The following MRC2 variants were observed in gnomAD, a reference collection of about 807,000 sequenced individuals.
The protein encoded by MRC2 is mannose receptor C-type 2, also known as C-type mannose receptor 2.
In MRC2, 84 loss-of-function variants were observed where a neutral mutation model predicts 206.2. The ratio of observed to expected loss-of-function variants is 0.41; its 90% CI spans 0.34 to 0.49. The LOEUF (loss-of-function observed/expected upper bound fraction) is 0.49, where lower values mean the gene tolerates loss of function less well. Ranked by LOEUF, MRC2 falls within the 20% of genes least tolerant of loss-of-function variation. MRC2 has a pLI of 0.31. For synonymous variants in MRC2, 798 were observed against 800.0 expected (o/e 1.00, Z 0.04); for missense variants, 1,676 against 2,001.5 (o/e 0.84, Z 3.10).
Position 62,675,749 on chromosome 17 carries a change from C to A in MRC2, c.1570-41C>A. ...TTTATGGGTGAGGGTGGAGAGTCAT[C>A]TTCCCTACAGACACCCCTCTTCTGT... On this transcript the variant is annotated intron_variant, in intron 9 of 29. Coordinates refer to ENST00000303375, the MANE Select transcript of MRC2 (RefSeq NM_006039.5). This position sits in a 1 kb window ranked among gnomAD's most constrained non-coding sequence, Gnocchi z 4.1. 3 of 1,503,380 alleles carry A rather than the reference C, an allele frequency of 2.0e-6. No homozygotes were observed. Among genetic ancestry groups the A allele is most frequent in the Non-Finnish European group, 2.8e-6 (3 of 1,080,072 alleles). 93.1% of individuals were successfully genotyped at this position (1,503,380 alleles called of 1,614,324 possible). A position where few individuals can be genotyped will look rare whatever the true frequency, so the allele number is the denominator to read the frequency against.
rs188585847 is a variant in MRC2 at position 62,673,217 on chromosome 17, T to G, written c.1462-846T>G. The stretch of plus-strand genomic sequence containing the variant: ...GGGTGCTAGGATACACAAACACGCC[T>G]GCCCTCAGAATGGAGCTTAGAGACA... On this transcript the variant is annotated intron_variant, in intron 8 of 29. Transcript: ENST00000303375. Among the ~76,000 whole-genome samples the G allele has an allele frequency of 1.9e-4, 29 of 152,308 alleles. No individual in the cohort carries two copies. In the East Asian group the frequency reaches 5.4e-3, roughly 28 times the overall value.
chr17:62,673,776 C>T (rs1307316459), intron 8 of MRC2, among the ~76,000 whole-genome samples: 1 of 152,194 alleles, frequency 6.6e-6, no homozygotes, highest in Non-Finnish European at 1.5e-5. Context: ...TCCCAAAATG[C>T]TGGGATTACA....
rs184448462 is a variant in MRC2 at position 62,666,996 on chromosome 17, C to T, written c.973+126C>T. Reference sequence around the variant, plus strand: ...TGGGTAGGGGAAGCACCGACCTCCACCCCCCTCCCCAGACTGCGCCCCCCT... The same window carrying T: ...TGGGTAGGGGAAGCACCGACCTCCATCCCCCTCCCCAGACTGCGCCCCCCT... On this transcript the variant is annotated intron_variant, in intron 5 of 29. Transcript: ENST00000303375. This position sits in a 1 kb window ranked among gnomAD's most constrained non-coding sequence, Gnocchi z 5.0. 2.3e-5 allele frequency: 17 copies of T among 750,940 alleles called. No individual in the cohort carries two copies. The highest frequency in any genetic ancestry group is 5.2e-5 in the African/African-American group (3 of 57,506). 46.5% of individuals were successfully genotyped at this position (750,940 alleles called of 1,614,324 possible).
In MRC2 at chr17:62,688,353, G is replaced by A; in HGVS notation, c.3011G>A (p.Cys1004Tyr). 6.2e-7 allele frequency: 1 copy of A among 1,614,208 alleles called. No homozygotes were observed. The highest frequency in any genetic ancestry group is 8.5e-7 in the Non-Finnish European group (1 of 1,180,042). ...AAGTGGTCAGAGGCACAGTTCTCCT[G>A]TGAACAGCAAGAGGCCCAGCTGGTC... is the stretch of plus-strand genomic sequence containing the variant. The part of the protein sequence containing the change: ...RVKWSEAQFS[C>Y]EQQEAQLVTI... Residue 1004 changes from cysteine (C) to tyrosine (Y), a missense_variant, in exon 21 of 30, where the codon TGT becomes TAT. Physicochemically the swap from Cys to Tyr is radical, Grantham distance 194 (BLOSUM62 -2). Transcript: ENST00000303375.
chr17:62,653,373 GC>G (rs2088580872), intron 1 of MRC2, among the ~76,000 whole-genome samples: 1 of 151,884 alleles, frequency 6.6e-6, no homozygotes, highest in South Asian at 2.1e-4. Flanking sequence ...CCCCACCCCC[GC>G]CCCCACCCCC....
chr17:62,692,127 T>C lies in MRC2; in HGVS notation c.4208T>C (p.Phe1403Ser), dbSNP rs769741411. ...TTGCCCACAGCTGAGCAGAGCAGCT[T>C]CTCCCCATCAGGTGAGTGAAAGGCA... The part of the protein sequence containing the change: ...CKLPRAEQSS[F>S]SPSALPENPA... The change falls in exon 29 of 30, where the codon TTC becomes TCC. Residue 1403 changes from phenylalanine (F) to serine (S), a missense_variant. Transcript: ENST00000303375. The surrounding 1 kb of genome is among the most constrained non-coding windows in gnomAD (Gnocchi z 4.2). The C allele has an allele frequency of 6.2e-7, 1 of 1,614,218 alleles. No individual in the cohort carries two copies. Among genetic ancestry groups the C allele is most frequent in the South Asian group, 1.1e-5 (1 of 91,082 alleles).
intron 14 of MRC2, 77 bp downstream of exon 14, chr17:62,679,979 G>C: frequency 6.8e-7 from 1 of 1,467,816 alleles, no homozygotes; most frequent in Non-Finnish European, 9.2e-7. Context: ...GGGGCCTGGA[G>C]GTGGGCGGGT....
chr17:62,680,900 C>A lies in MRC2; in HGVS notation c.2574C>A (p.Ala858=). The A allele has an allele frequency of 6.2e-7, 1 of 1,613,216 alleles. No homozygotes were observed. The highest frequency in any genetic ancestry group is 1.1e-5 in the South Asian group (1 of 91,072). The stretch of plus-strand genomic sequence containing the variant: ...AGCGCATCTGCACGTGGTTCCAGGC[C>A]GAGCTGACCTCGGTGCACAGCCAGG... The part of the protein sequence containing the change: ...QAQRICTWFQ[A]ELTSVHSQAE... Residue 858 remains alanine (A), a synonymous_variant, in exon 17 of 30, where the codon GCC becomes GCA. Transcript: ENST00000303375. This position sits in a 1 kb window ranked among gnomAD's most constrained non-coding sequence, Gnocchi z 4.8.
Position 62,666,877 on chromosome 17 carries a change from C to A in MRC2, c.973+7C>A. The A allele has an allele frequency of 6.2e-7, 1 of 1,612,258 alleles. No individual in the cohort carries two copies. The highest frequency in any genetic ancestry group is 1.1e-5 in the South Asian group (1 of 91,004). The stretch of plus-strand genomic sequence containing the variant: ...TACCTCAACTGGGAGAGTGGTGAGG[C>A]ACAAGGTTGGGGGCGCAGGGCAGCA... On this transcript the variant is annotated splice_region_variant and intron_variant, in intron 5 of 29. Coordinates refer to ENST00000303375, the MANE Select transcript of MRC2 (RefSeq NM_006039.5). The surrounding 1 kb of genome is among the most constrained non-coding windows in gnomAD (Gnocchi z 5.0).
At chr17:62,661,499 CTTCCTTTCTTTCT>C (rs1223520156) in intron 1 of MRC2, 4 of 147,388 alleles carry the variant, frequency 2.7e-5, no homozygotes, top group Non-Finnish European at 6.0e-5. Flanking sequence ...TCTTTCCTTC[CTTCCTTTCTTTCT>C]TTTCTTTCTT....
At chr17:62,629,252 G>A (rs1021785889) in intron 1 of MRC2, among the ~76,000 whole-genome samples, 3 of 152,204 alleles carry the variant, frequency 2.0e-5, no homozygotes, top group Non-Finnish European at 4.4e-5. Flanking sequence ...GTGGGAAGGG[G>A]TGGGGAGGAT....
chr17:62,669,438 A>T (rs573856490), intron 6 of MRC2, among the ~76,000 whole-genome samples: 1 of 150,772 alleles, frequency 6.6e-6, no homozygotes, highest in Admixed American at 6.6e-5. Context: ...CTGGTCTTGA[A>T]CTCCTGACCT....
At chr17:62,638,136 T>C (rs2088349581) in intron 1 of MRC2, among the ~76,000 whole-genome samples, 1 of 152,190 alleles carries the variant, frequency 6.6e-6, no homozygotes. Context: ...GTGTTGGGAT[T>C]ACAGGCGTGA....
intron 1 of MRC2, 92 bp downstream of exon 1, chr17:62,628,012 C>T: frequency 2.4e-6 from 2 of 827,882 alleles, no homozygotes; most frequent in South Asian, 2.5e-5. Context: ...CTTTTCCCCC[C>T]TCTTTTCTCC....
At chr17:62,654,345 G>A (rs1471176418) in intron 1 of MRC2, among the ~76,000 whole-genome samples, 1 of 151,964 alleles carries the variant, frequency 6.6e-6, no homozygotes, top group Non-Finnish European at 1.5e-5. Flanking sequence ...AGCTTGGACC[G>A]CCTTCCTTGT....
rs116402606 is a variant in MRC2 at position 62,664,893 on chromosome 17, G to C, written c.464G>C (p.Ser155Thr). Residue 155 changes from serine (S) to threonine (T), a missense_variant, in exon 2 of 30, where the codon AGT becomes ACT. Around this residue, in one of 3 missense-constraint regions of MRC2, gnomAD observed 318 missense variants for 346.7 expected, o/e 0.92. Transcript: ENST00000303375. The surrounding 1 kb of genome is among the most constrained non-coding windows in gnomAD (Gnocchi z 4.7). ...GTLERGDQTR[S>T]GQWRIYGSEE... ...CTTGAGCGTGGTGACCAGACCCGCA[G>C]TGGCCAGTGGCGCATCTACGGCAGC... 1.3e-3 allele frequency: 2,146 copies of C among 1,613,350 alleles called. 23 individuals carry two copies. In the African/African-American group the frequency reaches 0.024, roughly 18 times the overall value.
At chr17:62,678,418 C>A in intron 12 of MRC2, 86 bp from the exon 13 acceptor site, 3 of 1,536,550 alleles carry the variant, frequency 2.0e-6, no homozygotes, top group South Asian at 1.3e-5. Context: ...CAGGCCCCTC[C>A]TCTGCCATGG....
At chr17:62,661,769 A>G (rs939922009) in intron 1 of MRC2, 6 of 152,180 alleles carry the variant, frequency 3.9e-5, no homozygotes, top group African/African-American at 1.2e-4. Flanking sequence ...TGCCTCTAAT[A>G]AGGCACATAT....
Position 62,677,488 on chromosome 17 carries a change from T to A in MRC2, c.2052+2T>A. ...ACCAAACTCCGGTATTGCTATAAGGTAGGGCAGCCTGTTGGCCGGGTAGGG... is the reference window on the plus strand; with the variant it reads ...ACCAAACTCCGGTATTGCTATAAGGAAGGGCAGCCTGTTGGCCGGGTAGGG... On this transcript the variant is annotated splice_donor_variant, in intron 12 of 29. Transcript: ENST00000303375. LOFTEE classifies it high-confidence loss of function. 6.3e-7 allele frequency: 1 copy of A among 1,588,946 alleles called. No homozygotes were observed.
Sources: allele counts gnomAD v4.1 joint callset (sites outside exome capture counted in the v4.1 genomes callset), GRCh38; gene constraint gnomAD v4.1.1; regional missense constraint gnomAD v4.1.1; non-coding constraint Gnocchi (gnomAD v3.1); transcripts MANE v1.5; gene names NCBI Gene and HGNC (gene_info 2026-07-23, HGNC 2026-07-21).